The following RAB3IL1 variants were observed in gnomAD, a reference collection of about 807,000 sequenced individuals.
RAB3IL1 encodes RAB3A interacting protein like 1, also known as guanine nucleotide exchange factor for Rab-3A.
In RAB3IL1, 37 loss-of-function variants were observed where a neutral mutation model predicts 49.2. That is an observed-to-expected ratio of 0.75 (90% CI 0.58 to 0.99). The LOEUF (loss-of-function observed/expected upper bound fraction) is 0.99, where lower values mean the gene tolerates loss of function less well. Ranked by LOEUF, RAB3IL1 falls within the 50% of genes least tolerant of loss-of-function variation. The pLI, the probability that RAB3IL1 is intolerant of heterozygous loss-of-function variation, is 0.00. For synonymous variants in RAB3IL1, 193 were observed against 213.9 expected (o/e 0.90, Z 0.85); for missense variants, 484 against 513.0 (o/e 0.94, Z 0.55).
chr11:61,944,207 T>G, the RAB3IL1 span, among the ~76,000 whole-genome samples: 3 of 93,056 alleles, frequency 3.2e-5, no homozygotes, highest in Non-Finnish European at 7.3e-5. Context: ...CTTCCTTTCC[T>G]TCCCTTCCTT....
At chr11:61,943,066 A>C in the RAB3IL1 span, among the ~76,000 whole-genome samples, 71,448 of 152,090 alleles carry the variant, frequency 0.47, 17,741 homozygotes, top group Middle Eastern at 0.58. Context: ...CTTGAAAAAG[A>C]ACAAAGTTGG....
At chr11:61,921,446 C>A (rs563954368), upstream of RAB3IL1, among the ~76,000 whole-genome samples, 9 of 151,102 alleles carry the variant, frequency 6.0e-5, no homozygotes, top group East Asian at 1.7e-3. Context: ...CACATACTAT[C>A]CCCCCTGACT....
chr11:61,940,697 C>G, the RAB3IL1 span, among the ~76,000 whole-genome samples: 10 of 151,396 alleles, frequency 6.6e-5, no homozygotes. Flanking sequence ...ACGAGGTGGG[C>G]GGATCACTTG....
At chr11:61,931,016 C>G in the RAB3IL1 span, among the ~76,000 whole-genome samples, 54,659 of 151,972 alleles carry the variant, frequency 0.36, 10,142 homozygotes, top group South Asian at 0.64. Context: ...ACAAATGTCT[C>G]TGAACTACGG....
the RAB3IL1 span, among the ~76,000 whole-genome samples, chr11:61,939,820 T>G: frequency 6.6e-6 from 1 of 151,998 alleles, no homozygotes; most frequent in South Asian, 2.1e-4. Context: ...TAGCCAGGTG[T>G]GGTGGCACAT....
At chr11:61,940,179 C>T in the RAB3IL1 span, among the ~76,000 whole-genome samples, 18 of 152,268 alleles carry the variant, frequency 1.2e-4, no homozygotes, top group Admixed American at 2.6e-4. Context: ...CAGTAGCTCA[C>T]GCCTGTAATC....
At chr11:61,945,691 C>A in the RAB3IL1 span, 1 of 906,544 alleles carries the variant, frequency 1.1e-6, no homozygotes, top group Non-Finnish European at 1.3e-6. Context: ...GATGTCCTTT[C>A]CGCTACCCAC....
chr11:61,914,621 G>A lies in RAB3IL1; in HGVS notation c.11+2736C>T, dbSNP rs146173673. On this transcript the variant is annotated intron_variant, in intron 1 of 9. Coordinates refer to ENST00000394836, the MANE Select transcript of RAB3IL1 (RefSeq NM_013401.4). ...GAGCTGCCTCTGGGTTTGGAGTTCA[G>A]GGCCCATGCTCAGGAGTCCCAAAGA... is the stretch of plus-strand genomic sequence containing the variant. Among the ~76,000 whole-genome samples the A allele has an allele frequency of 3.8e-4, 58 of 152,284 alleles. No homozygotes were observed. The East Asian group carries it at 0.01, about 26-fold the overall frequency.
the RAB3IL1 span, among the ~76,000 whole-genome samples, chr11:61,944,359 A>G: frequency 6.6e-6 from 1 of 151,428 alleles, no homozygotes; most frequent in South Asian, 2.1e-4. Flanking sequence ...GCAGCCTCAA[A>G]CTCCTGGGCT....
chr11:61,898,420 GC>G lies in RAB3IL1; in HGVS notation c.1067-61del. 1 of 1,441,854 alleles carries G rather than the reference GC, an allele frequency of 6.9e-7. No individual in the cohort carries two copies. 89.3% of individuals were successfully genotyped at this position (1,441,854 alleles called of 1,614,324 possible). On this transcript the variant is annotated intron_variant, in intron 9 of 9. Transcript: ENST00000394836. This position sits in a 1 kb window ranked among gnomAD's most constrained non-coding sequence, Gnocchi z 5.1. Reference sequence around the variant, plus strand: ...AGCTCAGGGTCACCTCGGGCAGATGGCCAGGTCCCCTCCTGTGGCTTTGGAC... The same window carrying G: ...AGCTCAGGGTCACCTCGGGCAGATGGCAGGTCCCCTCCTGTGGCTTTGGAC...
intron 8 of RAB3IL1, 74 bp from the exon 9 acceptor site, chr11:61,899,454 C>T: frequency 6.8e-7 from 1 of 1,468,040 alleles, no homozygotes; most frequent in Non-Finnish European, 9.3e-7. Flanking sequence ...GATCTGAGTC[C>T]AGAGCAGGAG....
the RAB3IL1 span, among the ~76,000 whole-genome samples, chr11:61,929,884 C>CTTTTTTT: frequency 2.6e-4 from 17 of 66,384 alleles, no homozygotes; most frequent in East Asian, 1.6e-3. Flanking sequence ...CCGCGCCCGG[C>CTTTTTTT]TTTTTTTTTT....
the RAB3IL1 span, among the ~76,000 whole-genome samples, chr11:61,925,572 C>A: frequency 6.6e-6 from 1 of 151,628 alleles, no homozygotes; most frequent in East Asian, 1.9e-4. Context: ...GAGGTGGAGG[C>A]TGCAGTGAGC....
At chr11:61,912,194 C>T (rs1027806404) in intron 1 of RAB3IL1, among the ~76,000 whole-genome samples, 3 of 152,180 alleles carry the variant, frequency 2.0e-5, no homozygotes, top group Admixed American at 6.5e-5. Flanking sequence ...GACCACTCAG[C>T]GGGCTGCCAG....
At chr11:61,916,987 G>A (rs1217626224) in intron 1 of RAB3IL1, among the ~76,000 whole-genome samples, 2 of 142,146 alleles carry the variant, frequency 1.4e-5, no homozygotes, top group African/African-American at 2.5e-5. Context: ...TTCATCCAGC[G>A]AAGGGGTTGA....
the RAB3IL1 span, among the ~76,000 whole-genome samples, chr11:61,940,215 G>GGATTA: frequency 6.6e-6 from 1 of 152,108 alleles, no homozygotes; most frequent in Non-Finnish European, 1.5e-5. Context: ...GCCGAGGCTG[G>GGATTA]CAGATCACCT....
chr11:61,936,525 G>C, the RAB3IL1 span, among the ~76,000 whole-genome samples: 1 of 152,046 alleles, frequency 6.6e-6, no homozygotes, highest in African/African-American at 2.4e-5. Flanking sequence ...TATATTTAGG[G>C]GAGACAGGGT....
At chr11:61,932,769 A>ATTTTTTT in the RAB3IL1 span, among the ~76,000 whole-genome samples, 2 of 134,048 alleles carry the variant, frequency 1.5e-5, no homozygotes, top group Non-Finnish European at 3.2e-5. Context: ...ACTATAGTTC[A>ATTTTTTT]TTTTTTTTTT....
At chr11:61,903,727 G>C (rs1295879739) in intron 7 of RAB3IL1, among the ~76,000 whole-genome samples, 1 of 152,084 alleles carries the variant, frequency 6.6e-6, no homozygotes, top group Non-Finnish European at 1.5e-5. Context: ...TTTTCTCCAT[G>C]TTGGCCAGGT....
Sources: allele counts gnomAD v4.1 joint callset (sites outside exome capture counted in the v4.1 genomes callset), GRCh38; gene constraint gnomAD v4.1.1; non-coding constraint Gnocchi (gnomAD v3.1); transcripts MANE v1.5; gene names NCBI Gene and HGNC (gene_info 2026-07-23, HGNC 2026-07-21).